ANKFN1: variants seen among roughly 807,000 people sequenced by gnomAD.
ANKFN1 encodes ankyrin repeat and fibronectin type III domain containing 1, also known as ankyrin repeat and fibronectin type-III domain-containing protein 1.
A neutral mutation model predicts 108.7 loss-of-function variants in ANKFN1; 74 were observed. The observed-to-expected ratio is 0.68, with a 90% confidence interval of 0.56 to 0.83. The LOEUF is 0.83. ANKFN1 is among the 40% of genes least tolerant of loss of function. ANKFN1 has a pLI of 0.00. For missense variants in ANKFN1, 1,505 were observed against 1,382.3 expected (o/e 1.09, Z -1.41); for synonymous variants, 547 against 516.2 (o/e 1.06, Z -0.81).
chr17:56,410,913 T>C (rs1002432753), intron 8 of ANKFN1, among the ~76,000 whole-genome samples: 1 of 152,250 alleles, frequency 6.6e-6, no homozygotes, highest in Non-Finnish European at 1.5e-5. Context: ...CTATGCAATT[T>C]TGATTACAAT....
chr17:56,365,912 C>T (rs1437299685), intron 6 of ANKFN1, among the ~76,000 whole-genome samples: 9 of 152,158 alleles, frequency 5.9e-5, no homozygotes. Flanking sequence ...TTATTTTAGA[C>T]TGCACTCCTT....
chr17:56,343,345 T>C (rs2046009349), intron 4 of ANKFN1, among the ~76,000 whole-genome samples: 1 of 151,962 alleles, frequency 6.6e-6, no homozygotes, highest in African/African-American at 2.4e-5. Context: ...TCCTCTGTAT[T>C]TTTGAAATGT....
At chr17:56,321,799 TAATGAAGCCTAATGATAAAAAGTAA>T (rs2045375530) in intron 3 of ANKFN1, among the ~76,000 whole-genome samples, 3 of 152,168 alleles carry the variant, frequency 2.0e-5, no homozygotes, top group Non-Finnish European at 4.4e-5. Flanking sequence ...CAGGTGAGAA[TAATGAAGCCTAATGATAAAAAGTAA>T]CTTGCCCAAG....
At chr17:56,188,577 GTGTGTATATA>G (rs1237893251) in intron 1 of ANKFN1, among the ~76,000 whole-genome samples, 27 of 80,760 alleles carry the variant, frequency 3.3e-4, no homozygotes, top group East Asian at 2.3e-3. Flanking sequence ...GTGTGTGTGT[GTGTGTATATA>G]TATATATATA....
rs996720759 is a variant in ANKFN1 at position 56,510,660 on chromosome 17, C to T, written c.2832C>T (p.Asp944=). The T allele has an allele frequency of 1.2e-5, 19 of 1,536,040 alleles. No homozygotes were observed. The highest frequency in any genetic ancestry group is 1.5e-5 in the Non-Finnish European group (17 of 1,146,920). ...GSAPDVLQVH[D]VKTPLGPGQD... is the part of the protein sequence containing the mutation. ...CCCCCGACGTCCTGCAAGTGCACGA[C>T]GTGAAAACCCCTCTGGGGCCGGGCC... Residue 944 remains aspartate, a synonymous_variant, in exon 21 of 21, where the codon GAC becomes GAT. Coordinates refer to ENST00000682825, the MANE Select transcript of ANKFN1 (RefSeq NM_001370326.1).
At chr17:56,090,596 A>G (rs1339387964) in intron 4 of ANKFN1, among the ~76,000 whole-genome samples, 2 of 151,156 alleles carry the variant, frequency 1.3e-5, no homozygotes, top group Non-Finnish European at 3.0e-5. Flanking sequence ...CTGGCTCATC[A>G]TAACATTGTA....
intron 4 of ANKFN1, among the ~76,000 whole-genome samples, chr17:56,112,182 A>T (rs545204425): frequency 6.6e-6 from 1 of 152,306 alleles, no homozygotes; most frequent in African/African-American, 2.4e-5. Context: ...TTAACAGTCC[A>T]GGAAGAGTTA....
intron 18 of ANKFN1, among the ~76,000 whole-genome samples, chr17:56,483,344 G>T (rs939493266): frequency 6.6e-6 from 1 of 152,176 alleles, no homozygotes; most frequent in Non-Finnish European, 1.5e-5. Context: ...GCAGGAGGGT[G>T]AGTGAGTGGG....
At chr17:56,401,702 G>A (rs2047771887) in intron 8 of ANKFN1, among the ~76,000 whole-genome samples, 1 of 151,952 alleles carries the variant, frequency 6.6e-6, no homozygotes, top group Admixed American at 6.6e-5. Context: ...GCTCTGGCTA[G>A]GATTGGTACC....
intron 4 of ANKFN1, among the ~76,000 whole-genome samples, chr17:56,134,139 A>C (rs528364872): frequency 1.3e-5 from 2 of 152,280 alleles, no homozygotes; most frequent in Admixed American, 1.3e-4. Flanking sequence ...TTACCAGTTT[A>C]TTAATAAAGG....
At chr17:56,196,009 T>A (rs1913470625) in intron 1 of ANKFN1, among the ~76,000 whole-genome samples, 1 of 152,156 alleles carries the variant, frequency 6.6e-6, no homozygotes, top group African/African-American at 2.4e-5. Context: ...TGTGAAGTTA[T>A]GGGCCTTCTC....
intron 8 of ANKFN1, among the ~76,000 whole-genome samples, chr17:56,439,522 A>G (rs2049032587): frequency 6.6e-6 from 1 of 151,836 alleles, no homozygotes; most frequent in Non-Finnish European, 1.5e-5. Context: ...TGACTTAACT[A>G]GAAATAAACA....
At chr17:56,503,096 G>A (rs1406723791) in intron 20 of ANKFN1, among the ~76,000 whole-genome samples, 1 of 151,304 alleles carries the variant, frequency 6.6e-6, no homozygotes, top group Non-Finnish European at 1.5e-5. Flanking sequence ...TTTCTCTCCC[G>A]CTCCTTTTCT....
chr17:56,234,890 A>G (rs1194669921), intron 3 of ANKFN1, among the ~76,000 whole-genome samples: 1 of 152,142 alleles, frequency 6.6e-6, no homozygotes, highest in Admixed American at 6.5e-5. Flanking sequence ...GCTGCGTTGA[A>G]TGGTAGTCCT....
intron 4 of ANKFN1, among the ~76,000 whole-genome samples, chr17:56,131,766 C>CTTT (rs1907296814): frequency 1.3e-5 from 2 of 152,284 alleles, no homozygotes; most frequent in East Asian, 3.9e-4. Context: ...TGGCTCATTC[C>CTTT]TGTAACCCCA....
intron 4 of ANKFN1, among the ~76,000 whole-genome samples, chr17:56,140,210 C>T (rs1907838145): frequency 6.6e-6 from 1 of 152,220 alleles, no homozygotes; most frequent in African/African-American, 2.4e-5. Context: ...TGAGAGAAGG[C>T]ACTGACTTTC....
chr17:56,326,137 T>A, intron 3 of ANKFN1, 84 bp from the exon 4 acceptor site: 2 of 1,487,186 alleles, frequency 1.3e-6, no homozygotes, highest in African/African-American at 2.8e-5. Flanking sequence ...TTTCCTCTTT[T>A]ATTTTGCATT....
chr17:56,171,233 C>T (rs967666785), intron 1 of ANKFN1, among the ~76,000 whole-genome samples: 2 of 152,072 alleles, frequency 1.3e-5, no homozygotes, highest in Admixed American at 6.5e-5. Flanking sequence ...GCCTTTTGTA[C>T]TCACTCTCCC....
chr17:56,281,025 A>T (rs1293188672), intron 3 of ANKFN1, among the ~76,000 whole-genome samples: 1 of 150,894 alleles, frequency 6.6e-6, no homozygotes, highest in Non-Finnish European at 1.5e-5. Flanking sequence ...TGGGCCTTTC[A>T]CCTTCTGCCA....
Sources: allele counts gnomAD v4.1 joint callset (sites outside exome capture counted in the v4.1 genomes callset), GRCh38; gene constraint gnomAD v4.1.1; transcripts MANE v1.5; gene names NCBI Gene and HGNC (gene_info 2026-07-23, HGNC 2026-07-21).